KCNJ1: variants seen among roughly 807,000 people sequenced by gnomAD.
The protein encoded by KCNJ1 is potassium inwardly rectifying channel subfamily J member 1, also known as ATP-sensitive inward rectifier potassium channel 1.
A neutral mutation model predicts 21.9 loss-of-function variants in KCNJ1; 24 were observed. The observed-to-expected ratio is 1.10, with a 90% confidence interval of 0.79 to 1.54. KCNJ1 has a LOEUF of 1.54. Among genes scored for constraint, KCNJ1 ranks in the 40% most tolerant of loss-of-function variants. The pLI, the probability that KCNJ1 is intolerant of heterozygous loss-of-function variation, is 0.00. For missense variants in KCNJ1, 457 were observed against 455.4 expected (o/e 1.00, Z -0.03); for synonymous variants, 152 against 160.9 (o/e 0.94, Z 0.42).
chr11:128,846,033 T>G (rs1175964206), intron 2 of KCNJ1, among the ~76,000 whole-genome samples: 5 of 152,212 alleles, frequency 3.3e-5, no homozygotes, highest in Non-Finnish European at 7.3e-5. Flanking sequence ...AGAGTATCAC[T>G]TTCTGAATAA....
chr11:128,847,976 C>A (rs1044846483), intron 2 of KCNJ1, among the ~76,000 whole-genome samples: 1 of 152,058 alleles, frequency 6.6e-6, no homozygotes, highest in East Asian at 1.9e-4. Context: ...TCAAGAGATC[C>A]TCCTGCCTCA....
At chr11:128,862,025 G>C (rs1484061022) in intron 1 of KCNJ1, among the ~76,000 whole-genome samples, 1 of 152,184 alleles carries the variant, frequency 6.6e-6, no homozygotes, top group African/African-American at 2.4e-5. Context: ...CGCGTGGGAA[G>C]GGATTTGCCT....
rs376092616 is a variant in KCNJ1, at chr11:128,839,658, T to C, written c.586A>G (p.Asn196Asp). 3 of 1,613,498 alleles carry C rather than the reference T, an allele frequency of 1.9e-6. No homozygotes were observed. Among genetic ancestry groups the C allele is most frequent in the Non-Finnish European group, 2.5e-6 (3 of 1,180,014 alleles). ...CCAATAAGAAGGCTCTTCCTGAGAT[T>C]AGCCACTCGGATTAGGAGGCAAAGC... ...GKLCLLIRVA[N>D]LRKSLLIGSH... is the part of the protein sequence containing the mutation. The change falls in exon 3 of 3, where the codon AAT (asparagine) becomes GAT (aspartate). Residue 196 changes from asparagine (N) to aspartate (D), a missense_variant. Coordinates refer to ENST00000392666, the MANE Select transcript of KCNJ1 (RefSeq NM_153766.3).
chr11:128,864,074 CTTTTTTTTTTTTTTT>C (rs71472076), intron 1 of KCNJ1, among the ~76,000 whole-genome samples: 2 of 86,682 alleles, frequency 2.3e-5, no homozygotes, highest in African/African-American at 9.7e-5. Context: ...CTTTTTCTCT[CTTTTTTTTTTTTTTT>C]TTTTTTTTTT....
intron 1 of KCNJ1, among the ~76,000 whole-genome samples, chr11:128,862,448 T>G (rs1206362632): frequency 1.3e-5 from 2 of 152,152 alleles, no homozygotes. Context: ...CTCCACTCCC[T>G]CTGAGGGGAT....
intron 2 of KCNJ1, among the ~76,000 whole-genome samples, chr11:128,847,905 G>C (rs1424694355): frequency 6.6e-6 from 1 of 152,014 alleles, no homozygotes; most frequent in East Asian, 1.9e-4. Flanking sequence ...GTCTCACTCT[G>C]TCATCCAGAT....
intron 1 of KCNJ1, among the ~76,000 whole-genome samples, chr11:128,853,617 C>T (rs186487920): frequency 6.6e-6 from 1 of 152,302 alleles, no homozygotes; most frequent in Non-Finnish European, 1.5e-5. Flanking sequence ...CTGAAAACCA[C>T]CTCTTACACA....
Position 128,839,197 on chromosome 11 carries a change from C to T in KCNJ1, c.1047G>A (p.Arg349=), listed in dbSNP as rs920493876. 2 of 1,614,054 alleles carry T rather than the reference C, an allele frequency of 1.2e-6. No homozygotes were observed. Among genetic ancestry groups the T allele is most frequent in the Non-Finnish European group, 1.7e-6 (2 of 1,180,024 alleles). Residue 349 remains arginine, a synonymous_variant, in exon 3 of 3, where the codon AGG becomes AGA. Transcript: ENST00000392666. ...CLYNEKDVRA[R]MKRGYDNPNF... The stretch of plus-strand genomic sequence containing the variant: ...TGGGGTTGTCATAGCCTCTCTTCAT[C>T]CTGGCTCTAACATCTTTCTCATTAT...
chr11:128,849,774 A>C (rs923996012), intron 2 of KCNJ1, among the ~76,000 whole-genome samples: 1 of 152,138 alleles, frequency 6.6e-6, no homozygotes, highest in African/African-American at 2.4e-5. Context: ...TGGGAGTGAC[A>C]TTTTACACTT....
At position 128,839,518 on chromosome 11, in the gene KCNJ1, G is replaced by T; in HGVS notation, c.726C>A (p.Phe242Leu). ...GGTAAATTGTCAATGGGGAGATGAAGAATAAATTTTCATTCCCAGCGTCAA... is the reference window on the plus strand; with the variant it reads ...GGTAAATTGTCAATGGGGAGATGAATAATAAATTTTCATTCCCAGCGTCAA... ...FVVDAGNENL[F>L]FISPLTIYHV... The change falls in exon 3 of 3, where the codon TTC (phenylalanine) becomes TTA (leucine). Residue 242 changes from phenylalanine to leucine, a missense_variant. Physicochemically the swap from Phe to Leu is conservative, Grantham distance 22. Coordinates refer to ENST00000392666, the MANE Select transcript of KCNJ1 (RefSeq NM_153766.3). The T allele has an allele frequency of 6.2e-7, 1 of 1,614,166 alleles. No individual in the cohort carries two copies.
intron 2 of KCNJ1, among the ~76,000 whole-genome samples, 154 bp downstream of exon 2, chr11:128,850,567 C>T (rs144881983): frequency 6.6e-6 from 1 of 152,210 alleles, no homozygotes. Flanking sequence ...CTCTCTGATG[C>T]TGGTGGTGGG....
At chr11:128,860,375 T>A (rs1943682668) in intron 1 of KCNJ1, among the ~76,000 whole-genome samples, 1 of 152,198 alleles carries the variant, frequency 6.6e-6, no homozygotes, top group Non-Finnish European at 1.5e-5. Context: ...AGAGAGGCAA[T>A]GACCGTCTGA....
At position 128,838,807 on chromosome 11, in the gene KCNJ1, G is replaced by C; in HGVS notation, c.*318C>G. The stretch of plus-strand genomic sequence containing the variant: ...CTTTAAAAAATATTTTGTTTGGCCT[G>C]TTCATGAAACTTTTGATAATTTTAT... On this transcript the variant is annotated 3_prime_UTR_variant, in exon 3 of 3. Transcript: ENST00000392666. 1 of 324,726 alleles carries C rather than the reference G, an allele frequency of 3.1e-6. No individual in the cohort carries two copies. The highest frequency in any genetic ancestry group is 5.7e-6 in the Non-Finnish European group (1 of 175,444). 20.1% of individuals were successfully genotyped at this position (324,726 alleles called of 1,614,324 possible).
chr11:128,845,128 G>A (rs928563728), intron 2 of KCNJ1, among the ~76,000 whole-genome samples: 22 of 152,220 alleles, frequency 1.4e-4, no homozygotes, highest in Admixed American at 4.6e-4. Context: ...TGATTGAATG[G>A]GATTATGGGG....
Position 128,840,049 on chromosome 11 carries a change from G to A in KCNJ1, c.195C>T (p.Phe65=). The change falls in exon 3 of 3, where the codon TTC becomes TTT. Residue 65 remains phenylalanine, a synonymous_variant. Coordinates refer to ENST00000392666, the MANE Select transcript of KCNJ1 (RefSeq NM_153766.3). ...ACCAACTCCCCAAGAAGGCTGTGATGAAAATGGTCATTTTGTATCTCCACT... is the reference window on the plus strand; with the variant it reads ...ACCAACTCCCCAAGAAGGCTGTGATAAAAATGGTCATTTTGTATCTCCACT... ...DLKWRYKMTI[F]ITAFLGSWFF... 2 of 1,614,206 alleles carry A rather than the reference G, an allele frequency of 1.2e-6. No individual in the cohort carries two copies. The highest frequency in any genetic ancestry group is 1.7e-6 in the Non-Finnish European group (2 of 1,180,012).
Position 128,839,920 on chromosome 11 carries a change from G to A in KCNJ1, c.324C>T (p.Gly108=). 6.2e-7 allele frequency: 1 copy of A among 1,614,178 alleles called. No homozygotes were observed. The highest frequency in any genetic ancestry group is 8.5e-7 in the Non-Finnish European group (1 of 1,180,018). Residue 108 remains glycine (G), a synonymous_variant, in exon 3 of 3, where the codon GGC becomes GGT. Coordinates refer to ENST00000392666, the MANE Select transcript of KCNJ1 (RefSeq NM_153766.3). The stretch of plus-strand genomic sequence containing the variant: ...GAGAAAACAGAAAAGCTGAGGTCAA[G>A]CCATTAATATTCTCCACACAGGGAG... The part of the protein sequence containing the change: ...NHTPCVENIN[G]LTSAFLFSLE...
chr11:128,861,083 A>G (rs1346819544), intron 1 of KCNJ1, among the ~76,000 whole-genome samples: 2 of 152,224 alleles, frequency 1.3e-5, no homozygotes, highest in Non-Finnish European at 1.5e-5. Context: ...AATGCCCAGC[A>G]TCTGCTCTCC....
Position 128,844,427 on chromosome 11 carries a change from T to C in KCNJ1, c.-21-4163A>G, listed in dbSNP as rs148701054. 2.6e-3 allele frequency among the ~76,000 whole-genome samples: 398 copies of C among 152,380 alleles called. 2 individuals carry two copies. Among genetic ancestry groups the C allele is most frequent in the African/African-American group, 9.2e-3 (384 of 41,594 alleles). ...ACTGTTATAAAGAACATTGTTCTAG[T>C]TGTGCTTCAGAGAAATCTCATTAAA... On this transcript the variant is annotated intron_variant, in intron 2 of 2. Transcript: ENST00000392666.
chr11:128,862,753 C>T (rs1943741660), intron 1 of KCNJ1, among the ~76,000 whole-genome samples: 1 of 152,236 alleles, frequency 6.6e-6, no homozygotes, highest in African/African-American at 2.4e-5. Context: ...TGTGGCTTAT[C>T]TCTGAACCCG....
Sources: gnomAD v4.1 joint callset for allele counts (sites outside exome capture counted in the v4.1 genomes callset) on GRCh38, gnomAD v4.1.1 for gene constraint, MANE v1.5 for transcripts, NCBI Gene and HGNC (gene_info 2026-07-23, HGNC 2026-07-21) for gene names.